The following SLC35F1 variants were observed in gnomAD, a reference collection of about 807,000 sequenced individuals.
SLC35F1 encodes chromosome 6 open reading frame 169.
In SLC35F1, 14 loss-of-function variants were observed where a neutral mutation model predicts 48.7. That is an observed-to-expected ratio of 0.29 (90% CI 0.19 to 0.45). The LOEUF (loss-of-function observed/expected upper bound fraction) is 0.45, where lower values mean the gene tolerates loss of function less well. Among genes scored for constraint, SLC35F1 ranks in the 20% least tolerant of loss-of-function variants. The pLI is 1.00. For synonymous variants in SLC35F1, 190 were observed against 202.2 expected (o/e 0.94, Z 0.51); for missense variants, 404 against 500.0 (o/e 0.81, Z 1.83).
At chr6:118,080,351 G>A (rs11964656) in intron 1 of SLC35F1, among the ~76,000 whole-genome samples, 4,215 of 152,230 alleles carry the variant, frequency 0.028, 149 homozygotes, top group African/African-American at 0.073. Flanking sequence ...GAGGATTAGT[G>A]GGATCACATT....
In SLC35F1 at chr6:117,996,912, A is replaced by C. The variant is rs1432931754; in HGVS notation, c.173+89013A>C. On this transcript the variant is annotated intron_variant, in intron 1 of 7. Transcript: ENST00000360388. Reference sequence around the variant, plus strand: ...ACAGTTCCTCACCAGCAACGAAACAAAGCTGGACGGAGAATGACTTTGACG... The same window carrying C: ...ACAGTTCCTCACCAGCAACGAAACACAGCTGGACGGAGAATGACTTTGACG... Among the ~76,000 whole-genome samples, 33 of 152,346 alleles carry C rather than the reference A, an allele frequency of 2.2e-4. 1 individual carries two copies. The highest frequency in any genetic ancestry group is 6.7e-4 in the African/African-American group (28 of 41,574).
chr6:118,122,859 A>C (rs569309671), intron 1 of SLC35F1, among the ~76,000 whole-genome samples: 30 of 152,330 alleles, frequency 2.0e-4, no homozygotes, highest in Non-Finnish European at 3.5e-4. Context: ...CCCAGTGATG[A>C]ATAAGGCACA....
At chr6:118,166,289 A>C (rs1582706461) in intron 2 of SLC35F1, among the ~76,000 whole-genome samples, 1 of 152,176 alleles carries the variant, frequency 6.6e-6, no homozygotes, top group East Asian at 1.9e-4. Flanking sequence ...ATGATATCAC[A>C]GATCATGAAT....
chr6:117,920,950 G>A (rs191998397), intron 1 of SLC35F1, among the ~76,000 whole-genome samples: 6 of 151,896 alleles, frequency 4.0e-5, no homozygotes, highest in Admixed American at 3.9e-4. Context: ...TATATAATGT[G>A]TTATATATGT....
chr6:117,930,070 A>G (rs564794564), intron 1 of SLC35F1, among the ~76,000 whole-genome samples: 1 of 152,260 alleles, frequency 6.6e-6, no homozygotes, highest in South Asian at 2.1e-4. Context: ...TAGGGCTTGA[A>G]CCTATTTGGA....
intron 1 of SLC35F1, among the ~76,000 whole-genome samples, chr6:117,967,552 T>C (rs1268048949): frequency 1.3e-5 from 2 of 152,190 alleles, no homozygotes; most frequent in African/African-American, 4.8e-5. Context: ...TTTGTTCAAC[T>C]TGACAAATTG....
At chr6:117,981,881 T>G (rs1329968703) in intron 1 of SLC35F1, among the ~76,000 whole-genome samples, 2 of 152,148 alleles carry the variant, frequency 1.3e-5, no homozygotes, top group Non-Finnish European at 2.9e-5. Flanking sequence ...TTTTCTTATT[T>G]TTTCCCAAGA....
intron 3 of SLC35F1, among the ~76,000 whole-genome samples, chr6:118,238,216 T>C (rs760921635): frequency 1.3e-5 from 2 of 152,120 alleles, no homozygotes; most frequent in Non-Finnish European, 2.9e-5. Context: ...AATGAAGTCC[T>C]ATTTATTTCA....
At chr6:118,299,891 T>C (rs1171778438) in intron 7 of SLC35F1, among the ~76,000 whole-genome samples, 6 of 152,302 alleles carry the variant, frequency 3.9e-5, no homozygotes, top group African/African-American at 1.4e-4. Context: ...CGTGCAAAAG[T>C]TACATCTCTA....
chr6:118,188,490 C>T (rs549521681), intron 2 of SLC35F1, among the ~76,000 whole-genome samples: 5 of 150,856 alleles, frequency 3.3e-5, no homozygotes, highest in African/African-American at 4.9e-5. Context: ...GCAGAGGTTG[C>T]GGTGAGCCAA....
intron 1 of SLC35F1, among the ~76,000 whole-genome samples, chr6:118,127,953 C>T (rs1183110242): frequency 6.6e-6 from 1 of 152,070 alleles, no homozygotes; most frequent in Non-Finnish European, 1.5e-5. Context: ...AGAACTGAAA[C>T]AAATTTATAG....
intron 1 of SLC35F1, among the ~76,000 whole-genome samples, chr6:118,040,061 C>T (rs2114900981): frequency 6.6e-6 from 1 of 152,226 alleles, no homozygotes; most frequent in South Asian, 2.1e-4. Context: ...GGGTCTGTCT[C>T]ACATATGTGT....
chr6:118,313,988 G>T (rs779101483), intron 7 of SLC35F1, 40 bp from the exon 8 acceptor site: 2 of 1,588,562 alleles, frequency 1.3e-6, no homozygotes, highest in Non-Finnish European at 1.7e-6. Context: ...CAGTGGTTCT[G>T]CCCTGGCTGT....
intron 1 of SLC35F1, among the ~76,000 whole-genome samples, chr6:117,984,564 C>T (rs530432543): frequency 6.6e-6 from 1 of 151,612 alleles, no homozygotes; most frequent in South Asian, 2.1e-4. Flanking sequence ...ATTTTAGTGT[C>T]CCAGAAGTTA....
chr6:118,049,818 G>T (rs953747666), intron 1 of SLC35F1, among the ~76,000 whole-genome samples: 2 of 151,734 alleles, frequency 1.3e-5, no homozygotes, highest in Admixed American at 1.3e-4. Flanking sequence ...GATTCCTCAG[G>T]GATCTAGAAC....
chr6:117,928,185 GC>G (rs1776053152), intron 1 of SLC35F1, among the ~76,000 whole-genome samples: 1 of 152,074 alleles, frequency 6.6e-6, no homozygotes, highest in Admixed American at 6.6e-5. Context: ...TCAGAACCTG[GC>G]CCCAAAGAAA....
rs913882758 is a variant in SLC35F1 at position 118,288,981 on chromosome 6, T to C, written c.1002+3643T>C. Among the ~76,000 whole-genome samples, 24 of 152,218 alleles carry C rather than the reference T, an allele frequency of 1.6e-4. 2 individuals carry two copies. Among genetic ancestry groups the C allele is most frequent in the African/African-American group, 5.8e-4 (24 of 41,448 alleles). On this transcript the variant is annotated intron_variant, in intron 7 of 7. Transcript: ENST00000360388. ...CCATCAGCACAGGGATTGCTCATGC[T>C]GCCCTTTATAACCACACCTACTTCC...
At chr6:117,942,630 A>G (rs1264761652) in intron 1 of SLC35F1, among the ~76,000 whole-genome samples, 1 of 152,168 alleles carries the variant, frequency 6.6e-6, no homozygotes, top group Non-Finnish European at 1.5e-5. Context: ...AATGTTAACG[A>G]TTATAGCTTC....
intron 1 of SLC35F1, among the ~76,000 whole-genome samples, chr6:117,972,817 A>G (rs1022570878): frequency 1.3e-4 from 20 of 152,180 alleles, no homozygotes; most frequent in African/African-American, 4.8e-4. Context: ...ACACAGCCAA[A>G]TCATATCAGC....
Sources: allele counts gnomAD v4.1 joint callset (sites outside exome capture counted in the v4.1 genomes callset), GRCh38; gene constraint gnomAD v4.1.1; transcripts MANE v1.5; gene names NCBI Gene and HGNC (gene_info 2026-07-23, HGNC 2026-07-21).